Variants in HK2 observed in about 807,000 individuals in gnomAD.
HK2 encodes the protein hexokinase-2.
In HK2, 42 loss-of-function variants were observed where a neutral mutation model predicts 92.9. The ratio of observed to expected loss-of-function variants is 0.45; its 90% CI spans 0.35 to 0.58. HK2 has a LOEUF of 0.58. Ranked by LOEUF, HK2 falls within the 20% of genes least tolerant of loss-of-function variation. HK2 has a pLI of 0.00. For synonymous variants in HK2, 422 were observed against 468.0 expected (o/e 0.90, Z 1.27); for missense variants, 978 against 1,245.1 (o/e 0.79, Z 3.23).
rs1175950882 is a variant in HK2 at position 74,881,821 on chromosome 2, G to A, written c.1681G>A (p.Ala561Thr). 9.3e-6 allele frequency: 15 copies of A among 1,613,990 alleles called. No homozygotes were observed. The highest frequency in any genetic ancestry group is 4.0e-5 in the African/African-American group (3 of 74,892). The change falls in exon 11 of 18, where the codon GCC becomes ACC. Residue 561 changes from alanine (A) to threonine (T), a missense_variant. Ala to Thr is a moderately conservative substitution (Grantham distance 58). This residue lies in a region of HK2 where 742 missense variants were observed against 922.5 expected (regional missense o/e 0.80). Coordinates refer to ENST00000290573, the MANE Select transcript of HK2 (RefSeq NM_000189.5). ...AGTGGAGATGCACAACAAGATCTAC[G>A]CCATCCCGCAGGAGGTCATGCACGG... ...GGVEMHNKIY[A>T]IPQEVMHGTG...
intron 1 of HK2, among the ~76,000 whole-genome samples, chr2:74,851,129 C>T (rs185592222): frequency 9.7e-4 from 148 of 152,260 alleles, no homozygotes; most frequent in African/African-American, 3.4e-3. Context: ...TAAGAGGGGC[C>T]CACAGGACAG....
At chr2:74,851,342 C>G (rs1688562099) in intron 1 of HK2, among the ~76,000 whole-genome samples, 1 of 152,182 alleles carries the variant, frequency 6.6e-6, no homozygotes, top group Middle Eastern at 3.2e-3. Context: ...AACCATCACC[C>G]CATTACTGTT....
At chr2:74,836,237 C>A (rs890566275) in intron 1 of HK2, among the ~76,000 whole-genome samples, 3 of 152,216 alleles carry the variant, frequency 2.0e-5, no homozygotes, top group Non-Finnish European at 4.4e-5. Context: ...TTGGGTATTA[C>A]CCCAGGACAT....
At chr2:74,874,501 T>G in intron 7 of HK2, 52 bp downstream of exon 7, 2 of 1,530,688 alleles carry the variant, frequency 1.3e-6, no homozygotes, top group Non-Finnish European at 1.8e-6. Flanking sequence ...TGGAGCTGAG[T>G]CTGGGGCTGG....
At chr2:74,882,316 G>T in intron 12 of HK2, 77 bp downstream of exon 12, 1 of 1,605,498 alleles carries the variant, frequency 6.2e-7, no homozygotes, top group East Asian at 2.3e-5. Context: ...TGGAGCAGGG[G>T]AGAAAGTTGA....
chr2:74,840,925 G>A (rs1044895424), intron 1 of HK2, among the ~76,000 whole-genome samples: 1 of 148,822 alleles, frequency 6.7e-6, no homozygotes, highest in African/African-American at 2.5e-5. Context: ...TTGGGATGTG[G>A]CAAATTAAAT....
rs931426122 is a variant in HK2 at position 74,890,817 on chromosome 2, A to G, written c.2630A>G (p.Glu877Gly). 6.2e-7 allele frequency: 1 copy of G among 1,614,186 alleles called. No homozygotes were observed. Among genetic ancestry groups the G allele is most frequent in the Non-Finnish European group, 8.5e-7 (1 of 1,180,038 alleles). The change falls in exon 18 of 18, where the codon GAG becomes GGG. Residue 877 changes from glutamate to glycine, a missense_variant. This residue lies in a region of HK2 where 742 missense variants were observed against 922.5 expected (regional missense o/e 0.80). Transcript: ENST00000290573. ...TCCAGCTTTGCCAAAGTCATGCATGAGACAGTGAAGGACCTGGCTCCGAAA... is the reference window on the plus strand; with the variant it reads ...TCCAGCTTTGCCAAAGTCATGCATGGGACAGTGAAGGACCTGGCTCCGAAA... ...LHPHFAKVMH[E>G]TVKDLAPKCD...
chr2:74,858,657 G>A (rs932135304), intron 2 of HK2, among the ~76,000 whole-genome samples: 4 of 152,212 alleles, frequency 2.6e-5, no homozygotes, highest in African/African-American at 4.8e-5. Context: ...TGGCATCAAG[G>A]GAGCAGGTGT....
chr2:74,875,580 C>T (rs372291831), intron 7 of HK2, among the ~76,000 whole-genome samples: 9 of 152,290 alleles, frequency 5.9e-5, no homozygotes, highest in African/African-American at 1.4e-4. Flanking sequence ...CCGCCCTCCT[C>T]GGCCTCCCAA....
At chr2:74,849,866 C>T (rs1162826097) in intron 1 of HK2, among the ~76,000 whole-genome samples, 2 of 152,248 alleles carry the variant, frequency 1.3e-5, no homozygotes, top group Non-Finnish European at 2.9e-5. Context: ...GATTTGCATA[C>T]TGGTGTTTCT....
intron 1 of HK2, among the ~76,000 whole-genome samples, chr2:74,851,491 A>G (rs1688566852): frequency 6.6e-6 from 1 of 152,254 alleles, no homozygotes; most frequent in East Asian, 1.9e-4. Context: ...GTCTTGAAAC[A>G]GTTTAAACAT....
In HK2 at chr2:74,874,364, T is replaced by C. The variant is rs147035224; in HGVS notation, c.790T>C (p.Phe264Leu). 7.4e-6 allele frequency: 12 copies of C among 1,613,958 alleles called. No homozygotes were observed. The African/African-American group carries it at 1.6e-4, about 22-fold the overall frequency. Residue 264 changes from phenylalanine to leucine, a missense_variant, in exon 7 of 18, where the codon TTC becomes CTC. Around this residue, in one of 3 missense-constraint regions of HK2, gnomAD observed 742 missense variants for 922.5 expected, o/e 0.80. Coordinates refer to ENST00000290573, the MANE Select transcript of HK2 (RefSeq NM_000189.5). ...RMCINMEWGA[F>L]GDDGSLNDIR... Reference sequence around the variant, plus strand: ...GTGTATCAATATGGAGTGGGGGGCCTTCGGGGACGATGGCTCGCTCAACGA... The same window carrying C: ...GTGTATCAATATGGAGTGGGGGGCCCTCGGGGACGATGGCTCGCTCAACGA...
chr2:74,880,098 G>A (rs1267913910), intron 9 of HK2, among the ~76,000 whole-genome samples, 167 bp from the exon 10 acceptor site: 1 of 152,290 alleles, frequency 6.6e-6, no homozygotes, highest in South Asian at 2.1e-4. Flanking sequence ...TATGGTTCTT[G>A]TAGTGGTTCC....
intron 17 of HK2, among the ~76,000 whole-genome samples, chr2:74,890,355 TGGCTCTGATATGA>T (rs1331483124): frequency 6.6e-6 from 1 of 152,252 alleles, no homozygotes; most frequent in Non-Finnish European, 1.5e-5. Context: ...GGAGCACATG[TGGCTCTGATATGA>T]GGCTATGCGC....
Position 74,882,180 on chromosome 2 carries a change from G to A in HK2, c.1780G>A (p.Val594Met), listed in dbSNP as rs750042016. Residue 594 changes from valine (V) to methionine (M), a missense_variant, in exon 12 of 18, where the codon GTG becomes ATG. This residue lies in a region of HK2 where 742 missense variants were observed against 922.5 expected (regional missense o/e 0.80). Coordinates refer to ENST00000290573, the MANE Select transcript of HK2 (RefSeq NM_000189.5). ...CCTCGAGTACATGGGCATGAAGGGC[G>A]TGTCCCTGCCTCTGGGTTTTACCTT... is the stretch of plus-strand genomic sequence containing the variant. Reference protein sequence around the residue: ...DFLEYMGMKGVSLPLGFTFSF... With the variant: ...DFLEYMGMKGMSLPLGFTFSF... 12 of 1,614,158 alleles carry A rather than the reference G, an allele frequency of 7.4e-6. No individual in the cohort carries two copies. The highest frequency in any genetic ancestry group is 4.4e-5 in the South Asian group (4 of 91,084).
In HK2 at chr2:74,875,567, G is replaced by C. The variant is rs146483448; in HGVS notation, c.875+1118G>C. Among the ~76,000 whole-genome samples, 229 of 152,208 alleles carry C rather than the reference G, an allele frequency of 1.5e-3. 2 individuals are homozygous for C. The highest frequency in any genetic ancestry group is 5.2e-3 in the African/African-American group (218 of 41,526). The stretch of plus-strand genomic sequence containing the variant: ...TGGTCTCGAACTCCCGACCTCAGGC[G>C]GTCCGCCCTCCTCGGCCTCCCAAAG... On this transcript the variant is annotated intron_variant, in intron 7 of 17. Coordinates refer to ENST00000290573, the MANE Select transcript of HK2 (RefSeq NM_000189.5).
chr2:74,874,121 G>A (rs959451329), intron 6 of HK2, 145 bp from the exon 7 acceptor site: 5 of 1,081,714 alleles, frequency 4.6e-6, no homozygotes, highest in Non-Finnish European at 7.0e-6. Context: ...CAGAAGATTA[G>A]ACCATGTATT....
At chr2:74,884,785 G>A (rs1229901267) in intron 12 of HK2, among the ~76,000 whole-genome samples, 1 of 152,152 alleles carries the variant, frequency 6.6e-6, no homozygotes, top group African/African-American at 2.4e-5. Context: ...AGGGCATCAG[G>A]GAATAAAACC....
chr2:74,840,371 C>T (rs1449625698), intron 1 of HK2, among the ~76,000 whole-genome samples: 1 of 151,698 alleles, frequency 6.6e-6, no homozygotes, highest in East Asian at 1.9e-4. Flanking sequence ...CAACACAAAC[C>T]ACAGTTGGCA....
Sources: gnomAD v4.1 joint callset for allele counts (sites outside exome capture counted in the v4.1 genomes callset) on GRCh38, gnomAD v4.1.1 for gene constraint, gnomAD v4.1.1 regional missense constraint, MANE v1.5 for transcripts, NCBI Gene and HGNC (gene_info 2026-07-23, HGNC 2026-07-21) for gene names.